Variants in WWTR1 observed in about 807,000 individuals in gnomAD.
WWTR1 encodes the protein WW domain-containing transcription regulator protein 1.
Under a neutral mutation model 40.1 loss-of-function variants are expected in WWTR1, and 13 were observed. That is an observed-to-expected ratio of 0.32 (90% confidence interval 0.21 to 0.52). The LOEUF (loss-of-function observed/expected upper bound fraction) is 0.52, where lower values mean the gene tolerates loss of function less well. WWTR1 is among the 20% of genes least tolerant of loss of function. The pLI is 0.97. For synonymous variants in WWTR1, 230 were observed against 210.1 expected (o/e 1.09, Z -0.82); for missense variants, 436 against 523.1 (o/e 0.83, Z 1.63).
intron 2 of WWTR1, among the ~76,000 whole-genome samples, chr3:149,650,602 C>T (rs566305004): frequency 1.4e-4 from 22 of 152,292 alleles, no homozygotes; most frequent in Non-Finnish European, 1.0e-4. Flanking sequence ...AGCAGGTAAT[C>T]AACAAATGTC....
intron 3 of WWTR1, among the ~76,000 whole-genome samples, chr3:149,569,639 G>C (rs1328994515): frequency 6.6e-6 from 1 of 152,176 alleles, no homozygotes; most frequent in Admixed American, 6.5e-5. Flanking sequence ...AATAAAATTA[G>C]TTATAAAAGG....
At chr3:149,602,832 G>A (rs1449677448) in intron 2 of WWTR1, among the ~76,000 whole-genome samples, 1 of 151,972 alleles carries the variant, frequency 6.6e-6, no homozygotes, top group Non-Finnish European at 1.5e-5. Context: ...GCTAATTTTT[G>A]TATTTACAGT....
chr3:149,616,710 G>A (rs1339935782), intron 2 of WWTR1, among the ~76,000 whole-genome samples: 3 of 152,144 alleles, frequency 2.0e-5, no homozygotes, highest in Non-Finnish European at 4.4e-5. Context: ...CCAAAGTGCT[G>A]GGATTACAGG....
At chr3:149,629,513 C>T (rs898991020) in intron 2 of WWTR1, among the ~76,000 whole-genome samples, 6 of 152,208 alleles carry the variant, frequency 3.9e-5, no homozygotes, top group African/African-American at 1.2e-4. Context: ...TCCAACCTCA[C>T]TCCTATGCTT....
rs1737700062 is a variant in WWTR1, at chr3:149,572,784, C to T, written c.568+80G>A. 21 of 1,527,640 alleles carry T rather than the reference C, an allele frequency of 1.4e-5. No individual in the cohort carries two copies. In the South Asian group the frequency reaches 1.5e-4, roughly 11 times the overall value. 94.6% of individuals were successfully genotyped at this position (1,527,640 alleles called of 1,614,324 possible). Reference sequence around the variant, plus strand: ...ATTGTTTGAGCCCACGAGTTCAACACCAGCCTGGGCAACAAAGGGAGACCC... The same window carrying T: ...ATTGTTTGAGCCCACGAGTTCAACATCAGCCTGGGCAACAAAGGGAGACCC... On this transcript the variant is annotated intron_variant, in intron 3 of 6. Transcript: ENST00000360632.
At chr3:149,522,999 G>A (rs1735130640) in intron 6 of WWTR1, among the ~76,000 whole-genome samples, 2 of 151,198 alleles carry the variant, frequency 1.3e-5, no homozygotes, top group Admixed American at 6.6e-5. Context: ...CCAGGAGGTA[G>A]AGGTTGCAAT....
At chr3:149,720,581 G>A (rs1715730811) in intron 4 of WWTR1, among the ~76,000 whole-genome samples, 1 of 151,488 alleles carries the variant, frequency 6.6e-6, no homozygotes, top group Non-Finnish European at 1.5e-5. Context: ...TTCTCTTTTA[G>A]GATTATTTTG....
chr3:149,540,085 C>T (rs1418653782), intron 4 of WWTR1: 1 of 76,854 alleles, frequency 1.3e-5, no homozygotes, highest in Non-Finnish European at 2.4e-5. Flanking sequence ...TAACTACACA[C>T]ACACACACAC....
At chr3:149,619,757 A>T (rs1740181946) in intron 2 of WWTR1, among the ~76,000 whole-genome samples, 1 of 152,198 alleles carries the variant, frequency 6.6e-6, no homozygotes, top group Admixed American at 6.5e-5. Context: ...GCTTGAACTG[A>T]CTGCCAAGGG....
At chr3:149,716,479 G>T (rs1410342892) in intron 5 of WWTR1, among the ~76,000 whole-genome samples, 3 of 152,006 alleles carry the variant, frequency 2.0e-5, no homozygotes. Flanking sequence ...ACTTGTCAAA[G>T]CCACAGAAAG....
chr3:149,612,139 G>C (rs1201304637), intron 2 of WWTR1, among the ~76,000 whole-genome samples: 1 of 152,134 alleles, frequency 6.6e-6, no homozygotes, highest in African/African-American at 2.4e-5. Context: ...CTGTATTCTA[G>C]ACCAGAAATT....
At chr3:149,645,885 G>T (rs1163542590) in intron 2 of WWTR1, among the ~76,000 whole-genome samples, 1 of 152,050 alleles carries the variant, frequency 6.6e-6, no homozygotes, top group Non-Finnish European at 1.5e-5. Context: ...ATGCTTACCA[G>T]CAGACTAGTC....
At chr3:149,712,378 G>A (rs1576649727) in intron 5 of WWTR1, among the ~76,000 whole-genome samples, 2 of 152,256 alleles carry the variant, frequency 1.3e-5, no homozygotes, top group South Asian at 4.1e-4. Flanking sequence ...AGGGGTAAGA[G>A]AAAACACAAA....
intron 4 of WWTR1, among the ~76,000 whole-genome samples, chr3:149,538,983 T>C (rs1172814607): frequency 6.6e-6 from 1 of 152,198 alleles, no homozygotes; most frequent in East Asian, 1.9e-4. Context: ...GGAAAAAAAA[T>C]ATGAGCTTCC....
intron 2 of WWTR1, among the ~76,000 whole-genome samples, chr3:149,604,457 C>A (rs1321836791): frequency 2.6e-5 from 4 of 152,186 alleles, no homozygotes; most frequent in Non-Finnish European, 4.4e-5. Flanking sequence ...AGGTTTTACT[C>A]TTAGGGTTCT....
At chr3:149,581,569 A>G (rs1218653426) in intron 2 of WWTR1, among the ~76,000 whole-genome samples, 1 of 152,194 alleles carries the variant, frequency 6.6e-6, no homozygotes, top group South Asian at 2.1e-4. Flanking sequence ...TCCTCTAATA[A>G]AAGATGATAC....
intron 2 of WWTR1, among the ~76,000 whole-genome samples, chr3:149,621,069 T>C (rs1266880182): frequency 6.6e-6 from 1 of 152,248 alleles, no homozygotes; most frequent in African/African-American, 2.4e-5. Flanking sequence ...CTGCCGTTCT[T>C]ACTTTAGGGT....
chr3:149,669,016 C>T (rs1331483979), intron 2 of WWTR1, among the ~76,000 whole-genome samples: 4 of 152,140 alleles, frequency 2.6e-5, no homozygotes, highest in African/African-American at 4.8e-5. Flanking sequence ...AAGCCATTGG[C>T]GTGGGAGAGA....
chr3:149,712,092 T>C (rs923202648), intron 5 of WWTR1, among the ~76,000 whole-genome samples: 11 of 152,152 alleles, frequency 7.2e-5, no homozygotes, highest in African/African-American at 2.2e-4. Flanking sequence ...GTTTAAGTAA[T>C]GGAAAGAAAG....
Sources: gnomAD v4.1 joint callset for allele counts (sites outside exome capture counted in the v4.1 genomes callset) on GRCh38, gnomAD v4.1.1 for gene constraint, MANE v1.5 for transcripts, NCBI Gene and HGNC (gene_info 2026-07-23, HGNC 2026-07-21) for gene names.